Variants in RNF114 observed in about 807,000 individuals in gnomAD.
The protein encoded by RNF114 is ring finger protein 114, also known as E3 ubiquitin-protein ligase RNF114.
Under a neutral mutation model 28.4 loss-of-function variants are expected in RNF114, and 6 were observed. That is an observed-to-expected ratio of 0.21 (90% CI 0.12 to 0.42). The LOEUF is 0.42. Among genes scored for constraint, RNF114 ranks in the 10% least tolerant of loss-of-function variants. The pLI is 1.00. For missense variants in RNF114, 249 were observed against 311.7 expected (o/e 0.80, Z 1.51); for synonymous variants, 115 against 116.7 (o/e 0.99, Z 0.09).
intron 4 of RNF114, among the ~76,000 whole-genome samples, chr20:49,947,637 T>C (rs2090338191): frequency 6.6e-6 from 1 of 152,092 alleles, no homozygotes; most frequent in Admixed American, 6.5e-5. Flanking sequence ...GCTGAACTTT[T>C]CTGGTATGGC....
rs749363835 is a variant in RNF114 at position 49,941,706 on chromosome 20, A to G, written c.286A>G (p.Lys96Glu). Residue 96 changes from lysine (K) to glutamate (E), a missense_variant, in exon 2 of 6, where the codon AAG becomes GAG. Lys to Glu is a moderately conservative substitution (Grantham distance 56). This residue lies in a region of RNF114 where 126 missense variants were observed against 205.3 expected (regional missense o/e 0.61). Transcript: ENST00000244061. ...AGAGACTTCTTGCCATGGCTGCCGT[A>G]AGAATGTATGTGGAAGTGATGTGGA... ...STETSCHGCR[K>E]NFFLSKIRSH... The G allele has an allele frequency of 2.5e-6, 4 of 1,611,030 alleles. No homozygotes were observed. The highest frequency in any genetic ancestry group is 2.5e-6 in the Non-Finnish European group (3 of 1,179,492).
chr20:49,952,067 T>C lies in RNF114; in HGVS notation c.622-9T>C. ...GTTGCTGAGGCTGCATGTCTCTTTT[T>C]GCCCTTAGGATTATGATGTTGATGA... is the stretch of plus-strand genomic sequence containing the variant. On this transcript the variant is annotated splice_polypyrimidine_tract_variant and intron_variant, in intron 5 of 5. Coordinates refer to ENST00000244061, the MANE Select transcript of RNF114 (RefSeq NM_018683.4). The C allele has an allele frequency of 6.2e-7, 1 of 1,611,634 alleles. No homozygotes were observed. Among genetic ancestry groups the C allele is most frequent in the Non-Finnish European group, 8.5e-7 (1 of 1,177,800 alleles).
rs1238471188 is a variant in RNF114, at chr20:49,946,229, T to C, written c.492T>C (p.His164=). ...EGLVEHCKLF[H]STDTKSVVCP... The stretch of plus-strand genomic sequence containing the variant: ...TTGTGGAACACTGCAAATTATTCCA[T>C]AGCACGGATACCAAATCTGTGGTGA... The change falls in exon 4 of 6, where the codon CAT becomes CAC. Residue 164 remains histidine (H), a synonymous_variant. Coordinates refer to ENST00000244061, the MANE Select transcript of RNF114 (RefSeq NM_018683.4). 1.3e-6 allele frequency: 2 copies of C among 1,591,710 alleles called. No homozygotes were observed. The highest frequency in any genetic ancestry group is 1.7e-5 in the Admixed American group (1 of 58,302).
At chr20:49,946,037 T>C (rs2090329525) in intron 3 of RNF114, 99 bp from the exon 4 acceptor site, 4 of 592,060 alleles carry the variant, frequency 6.8e-6, no homozygotes, top group Non-Finnish European at 1.2e-5. Context: ...CATTACACAT[T>C]TGGTGAGCTT....
rs1245188850 is a variant in RNF114, at chr20:49,952,855, T to TCC, written c.*715_*716dup. ...GGTTAGGGAAGTTAAAGTCTGTTTATCCGTAAGTGGGGAGGAGGGTCAGCT... is the reference window on the plus strand; with the variant it reads ...GGTTAGGGAAGTTAAAGTCTGTTTATCCCCGTAAGTGGGGAGGAGGGTCAGCT... On this transcript the variant is annotated 3_prime_UTR_variant, in exon 6 of 6. Transcript: ENST00000244061. 1 of 152,662 alleles carries TCC rather than the reference T, an allele frequency of 6.6e-6. No individual in the cohort carries two copies. The highest frequency in any genetic ancestry group is 2.4e-5 in the African/African-American group (1 of 41,456). The allele number at this position is 152,662 out of a possible 1,614,324, so 9.5% of individuals were successfully genotyped here. A position where few individuals can be genotyped will look rare whatever the true frequency, so the allele number is the denominator to read the frequency against.
intron 2 of RNF114, 154 bp downstream of exon 2, chr20:49,941,865 G>C: frequency 1.4e-6 from 1 of 693,692 alleles, no homozygotes; most frequent in Non-Finnish European, 2.3e-6. Flanking sequence ...GGGCTGGTTT[G>C]TTTTCATAAC....
intron 1 of RNF114, chr20:49,941,169 C>T (rs143817575): frequency 3.1e-5 from 5 of 162,846 alleles, no homozygotes; most frequent in Middle Eastern, 3.0e-3. Flanking sequence ...AAGGGCTGGA[C>T]ACTCTGCCAG....
chr20:49,940,702 C>G (rs563243539), intron 1 of RNF114, among the ~76,000 whole-genome samples: 3 of 151,846 alleles, frequency 2.0e-5, no homozygotes, highest in African/African-American at 7.3e-5. Flanking sequence ...CATGAGCCAC[C>G]GCGCCTGGCT....
At chr20:49,942,241 A>G (rs1240294393) in intron 2 of RNF114, among the ~76,000 whole-genome samples, 1 of 152,162 alleles carries the variant, frequency 6.6e-6, no homozygotes, top group Admixed American at 6.5e-5. Flanking sequence ...CCTGGCTGAC[A>G]GCAAGACCCT....
intron 1 of RNF114, 27 bp downstream of exon 1, chr20:49,936,579 G>C (rs750644896): frequency 2.6e-5 from 41 of 1,576,820 alleles, no homozygotes; most frequent in Admixed American, 7.3e-5. Flanking sequence ...GGCCTGGTCG[G>C]GGGGCGCTTA....
At chr20:49,938,377 A>G (rs538375109) in intron 1 of RNF114, among the ~76,000 whole-genome samples, 1 of 152,306 alleles carries the variant, frequency 6.6e-6, no homozygotes, top group African/African-American at 2.4e-5. Flanking sequence ...TGCAAATTGA[A>G]GACAGATGGA....
In RNF114 at chr20:49,941,707, A is replaced by G; in HGVS notation, c.287A>G (p.Lys96Arg). Residue 96 changes from lysine (K) to arginine (R), a missense_variant, in exon 2 of 6, where the codon AAG (lysine) becomes AGG (arginine). Around this residue, in one of 2 missense-constraint regions of RNF114, gnomAD observed 126 missense variants for 205.3 expected, o/e 0.61. Transcript: ENST00000244061. ...GAGACTTCTTGCCATGGCTGCCGTA[A>G]GAATGTATGTGGAAGTGATGTGGAA... ...STETSCHGCRKNFFLSKIRSH... is the reference protein window; with the variant it reads ...STETSCHGCRRNFFLSKIRSH... The G allele has an allele frequency of 6.2e-7, 1 of 1,611,198 alleles. No homozygotes were observed. Among genetic ancestry groups the G allele is most frequent in the South Asian group, 1.1e-5 (1 of 90,954 alleles).
intron 1 of RNF114, among the ~76,000 whole-genome samples, chr20:49,939,852 C>G (rs909451701): frequency 6.6e-6 from 1 of 151,580 alleles, no homozygotes; most frequent in East Asian, 1.9e-4. Context: ...GTCAGGAGTT[C>G]GAGACCAGCC....
intron 1 of RNF114, among the ~76,000 whole-genome samples, chr20:49,940,790 G>T (rs570060200): frequency 2.0e-5 from 3 of 150,502 alleles, no homozygotes; most frequent in African/African-American, 7.4e-5. Flanking sequence ...AGACAGAGTC[G>T]CACTCTGTTG....
chr20:49,936,668 G>A, intron 1 of RNF114, 116 bp downstream of exon 1: 3 of 1,332,076 alleles, frequency 2.3e-6, no homozygotes, highest in Non-Finnish European at 3.0e-6. Context: ...GGGCCTCCCG[G>A]GGGTGTCCCC....
At chr20:49,949,001 G>C (rs1026622027) in intron 4 of RNF114, among the ~76,000 whole-genome samples, 1 of 152,180 alleles carries the variant, frequency 6.6e-6, no homozygotes, top group Admixed American at 6.5e-5. Flanking sequence ...TCACTTCTCT[G>C]CTTACAGTAG....
intron 2 of RNF114, chr20:49,941,936 C>A: frequency 2.1e-6 from 1 of 485,638 alleles, no homozygotes; most frequent in Non-Finnish European, 3.6e-6. Context: ...GGTTTGAAAG[C>A]CATAGAAATC....
intron 1 of RNF114, among the ~76,000 whole-genome samples, chr20:49,938,996 G>T (rs539058825): frequency 6.6e-6 from 1 of 152,096 alleles, no homozygotes; most frequent in African/African-American, 2.4e-5. Context: ...ATGGTCTACC[G>T]CATCATGGCC....
At chr20:49,936,769 C>T (rs1396711701) in intron 1 of RNF114, among the ~76,000 whole-genome samples, 1 of 152,134 alleles carries the variant, frequency 6.6e-6, no homozygotes, top group Non-Finnish European at 1.5e-5. Flanking sequence ...CCCGTCTTAG[C>T]GGGGCAGCTG....
Sources: gnomAD v4.1 joint callset for allele counts (sites outside exome capture counted in the v4.1 genomes callset) on GRCh38, gnomAD v4.1.1 for gene constraint, gnomAD v4.1.1 regional missense constraint, MANE v1.5 for transcripts, NCBI Gene and HGNC (gene_info 2026-07-23, HGNC 2026-07-21) for gene names.